The following CCDC148 variants were observed in gnomAD, a reference collection of about 807,000 sequenced individuals.
CCDC148 encodes coiled-coil domain containing 148, also known as coiled-coil domain-containing protein 148.
Under a neutral mutation model 85.7 loss-of-function variants are expected in CCDC148, and 89 were observed. The observed-to-expected ratio is 1.04, with a 90% CI of 0.87 to 1.24. The LOEUF is 1.24. CCDC148 is among the 50% of genes most tolerant of loss of function. CCDC148 has a pLI of 0.00. For missense variants in CCDC148, 692 were observed against 671.7 expected, an observed-to-expected ratio of 1.03 and a Z score of -0.33; for synonymous variants, 230 against 213.9, an observed-to-expected ratio of 1.08 and a Z score of -0.66.
intron 9 of CCDC148, among the ~76,000 whole-genome samples, chr2:158,265,505 ATAAAT>A (rs1454206934): frequency 7.0e-6 from 1 of 142,602 alleles, no homozygotes; most frequent in Non-Finnish European, 1.6e-5. Flanking sequence ...TCATTAGTAT[ATAAAT>A]TAAAGTATAT....
intron 9 of CCDC148, among the ~76,000 whole-genome samples, chr2:158,294,833 AC>A (rs67163893): frequency 0.41 from 49,009 of 119,160 alleles, 11,538 homozygotes; most frequent in South Asian, 0.6. Context: ...AAAAAAAAAA[AC>A]AAAAAAAAAC....
intron 10 of CCDC148, among the ~76,000 whole-genome samples, chr2:158,229,907 T>C (rs1418473013): frequency 6.6e-6 from 1 of 152,180 alleles, no homozygotes; most frequent in African/African-American, 2.4e-5. Context: ...GCCAGGCATC[T>C]TAGCAACTCG....
intron 9 of CCDC148, among the ~76,000 whole-genome samples, chr2:158,256,756 T>C (rs1689027639): frequency 6.6e-6 from 1 of 151,798 alleles, no homozygotes; most frequent in African/African-American, 2.4e-5. Flanking sequence ...CTTCTACTTA[T>C]CCTACTCAAG....
rs78851546 is a variant in CCDC148 at position 158,179,494 on chromosome 2, C to A, written c.1371-498G>T. ...TACAGGAAAGCGTGGGAGTAAAATT[C>A]AGTTCATCTCATTCCTCATTGAAAT... On this transcript the variant is annotated intron_variant, in intron 11 of 13. Coordinates refer to ENST00000283233, the MANE Select transcript of CCDC148 (RefSeq NM_138803.4). Among the ~76,000 whole-genome samples the A allele has an allele frequency of 1.3e-3, 198 of 152,034 alleles. 4 individuals carry two copies. In the East Asian group the frequency reaches 0.034, roughly 26 times the overall value.
chr2:158,310,067 T>C (rs1173234426), intron 8 of CCDC148, among the ~76,000 whole-genome samples: 1 of 152,212 alleles, frequency 6.6e-6, no homozygotes, highest in Non-Finnish European at 1.5e-5. Context: ...CAGAGGACCC[T>C]GCAGCCTTCC....
At chr2:158,313,707 C>T (rs776849482) in intron 8 of CCDC148, 49 bp downstream of exon 8, 15 of 1,549,110 alleles carry the variant, frequency 9.7e-6, no homozygotes, top group Non-Finnish European at 1.3e-5. Context: ...TAATTATTGA[C>T]TACTAAAACA....
intron 1 of CCDC148, among the ~76,000 whole-genome samples, chr2:158,386,828 C>A (rs1260208199): frequency 1.4e-4 from 22 of 152,064 alleles, no homozygotes; most frequent in Non-Finnish European, 4.4e-5. Flanking sequence ...CCCTCATATG[C>A]ACAGAACAAT....
At chr2:158,440,694 T>G (rs993753403) in intron 1 of CCDC148, among the ~76,000 whole-genome samples, 2 of 152,228 alleles carry the variant, frequency 1.3e-5, no homozygotes, top group African/African-American at 4.8e-5. Context: ...TGGTCTCTCT[T>G]TCAAAATATC....
intron 1 of CCDC148, among the ~76,000 whole-genome samples, chr2:158,368,693 A>T (rs1195990935): frequency 1.3e-5 from 2 of 152,134 alleles, no homozygotes; most frequent in Admixed American, 1.3e-4. Flanking sequence ...ATGGAATGAT[A>T]GTGTCACAAT....
intron 7 of CCDC148, among the ~76,000 whole-genome samples, chr2:158,334,097 G>C (rs1229153810): frequency 2.0e-5 from 3 of 152,114 alleles, no homozygotes; most frequent in Admixed American, 2.0e-4. Context: ...ATAGCTCCTG[G>C]AGTAAAACTC....
intron 7 of CCDC148, among the ~76,000 whole-genome samples, chr2:158,316,826 T>C (rs890082355): frequency 6.6e-6 from 1 of 152,156 alleles, no homozygotes; most frequent in Non-Finnish European, 1.5e-5. Context: ...TAAGAATATT[T>C]AAACATAGTA....
At chr2:158,428,406 C>T (rs1036223766) in intron 1 of CCDC148, among the ~76,000 whole-genome samples, 20 of 152,066 alleles carry the variant, frequency 1.3e-4, no homozygotes, top group Admixed American at 7.9e-4. Context: ...AGGAATAATT[C>T]GTTGAAATAT....
At chr2:158,187,347 A>G (rs1217236871) in intron 11 of CCDC148, among the ~76,000 whole-genome samples, 1 of 151,762 alleles carries the variant, frequency 6.6e-6, no homozygotes, top group Non-Finnish European at 1.5e-5. Flanking sequence ...TCTTTCCTCT[A>G]CGTACAAACT....
At chr2:158,284,386 A>C (rs892106391) in intron 9 of CCDC148, among the ~76,000 whole-genome samples, 2 of 152,208 alleles carry the variant, frequency 1.3e-5, no homozygotes, top group South Asian at 4.1e-4. Flanking sequence ...TAAAAATAAC[A>C]ACCTCTTAAA....
chr2:158,353,347 A>G (rs554800808), intron 2 of CCDC148, among the ~76,000 whole-genome samples: 1 of 150,214 alleles, frequency 6.7e-6, no homozygotes, highest in South Asian at 2.1e-4. Flanking sequence ...ACGTGCAGAC[A>G]CACACATAGG....
intron 10 of CCDC148, among the ~76,000 whole-genome samples, chr2:158,247,423 C>T (rs1688611391): frequency 6.6e-6 from 1 of 152,138 alleles, no homozygotes; most frequent in African/African-American, 2.4e-5. Context: ...TAGGTACACC[C>T]TAGTGAAAGC....
At chr2:158,312,559 C>T (rs1405573426) in intron 8 of CCDC148, among the ~76,000 whole-genome samples, 776 of 35,788 alleles carry the variant, frequency 0.022, 10 homozygotes, top group Non-Finnish European at 0.029. Flanking sequence ...TCCAGCCTGG[C>T]GACAGTGAGA....
At chr2:158,226,783 T>G (rs891844168) in intron 10 of CCDC148, among the ~76,000 whole-genome samples, 10 of 152,094 alleles carry the variant, frequency 6.6e-5, no homozygotes, top group Non-Finnish European at 1.0e-4. Flanking sequence ...TCTCAATAAA[T>G]TAGGTATTGA....
At chr2:158,444,383 G>A (rs1013560436) in intron 1 of CCDC148, among the ~76,000 whole-genome samples, 7 of 151,928 alleles carry the variant, frequency 4.6e-5, no homozygotes, top group Admixed American at 3.9e-4. Context: ...ATTTTAGAAA[G>A]CTCATAATTG....
Sources: allele counts gnomAD v4.1 joint callset (sites outside exome capture counted in the v4.1 genomes callset), GRCh38; gene constraint gnomAD v4.1.1; transcripts MANE v1.5; gene names NCBI Gene and HGNC (gene_info 2026-07-23, HGNC 2026-07-21).